Variants in CALD1 observed in about 807,000 individuals in gnomAD.
CALD1 encodes the protein caldesmon 1.
Under a neutral mutation model 99.9 loss-of-function variants are expected in CALD1, and 33 were observed. The ratio of observed to expected loss-of-function variants is 0.33; its 90% CI spans 0.25 to 0.44. CALD1 has a LOEUF of 0.44. CALD1 is among the 20% of genes least tolerant of loss of function. The probability of loss-of-function intolerance (pLI) is 1.00; values close to 1 mark genes in which losing one functional copy is unlikely to be tolerated. For missense variants in CALD1, 861 were observed against 962.1 expected (o/e 0.89, Z 1.39); for synonymous variants, 310 against 325.0 (o/e 0.95, Z 0.50).
chr7:134,891,644 T>G, intron 3 of CALD1: 1 of 1,608,570 alleles, frequency 6.2e-7, no homozygotes, highest in Non-Finnish European at 8.5e-7. Context: ...CCGGATCGCA[T>G]GGAAGACGCA....
the CALD1 span, among the ~76,000 whole-genome samples, chr7:134,722,467 C>G: frequency 6.6e-6 from 1 of 152,214 alleles, no homozygotes; most frequent in South Asian, 2.1e-4. Context: ...GTCGCCCAGG[C>G]TGGAGTGCAG....
intron 3 of CALD1, among the ~76,000 whole-genome samples, chr7:134,895,886 T>C (rs1802538512): frequency 6.6e-6 from 1 of 152,204 alleles, no homozygotes; most frequent in Non-Finnish European, 1.5e-5. Context: ...TAAACAACTT[T>C]CCCACCAGTC....
intron 3 of CALD1, among the ~76,000 whole-genome samples, chr7:134,910,357 C>T (rs1413869149): frequency 6.6e-6 from 1 of 152,182 alleles, no homozygotes; most frequent in Non-Finnish European, 1.5e-5. Flanking sequence ...GTTTTGGCTA[C>T]AGCACATGAA....
chr7:134,880,776 T>C (rs1801563706), intron 3 of CALD1, among the ~76,000 whole-genome samples: 1 of 152,240 alleles, frequency 6.6e-6, no homozygotes, highest in African/African-American at 2.4e-5. Context: ...TTCCTGCTAC[T>C]ACCTTTTAAG....
the CALD1 span, among the ~76,000 whole-genome samples, chr7:134,717,635 C>T: frequency 6.6e-6 from 1 of 152,234 alleles, no homozygotes; most frequent in East Asian, 1.9e-4. Context: ...TCCCTGTGCT[C>T]AGGCTCCGGG....
At chr7:134,714,256 T>C in the CALD1 span, among the ~76,000 whole-genome samples, 76 of 152,320 alleles carry the variant, frequency 5.0e-4, 1 homozygote, top group Non-Finnish European at 9.8e-4. Context: ...AGTGTGAGAA[T>C]GGCCTAATAC....
intron 9 of CALD1, among the ~76,000 whole-genome samples, chr7:134,951,832 A>G (rs2133166057): frequency 6.6e-6 from 1 of 152,362 alleles, no homozygotes; most frequent in South Asian, 2.1e-4. Context: ...TTGAGAATTA[A>G]CATCATTGAG....
At chr7:134,782,524 C>T (rs1797146423) in intron 1 of CALD1, among the ~76,000 whole-genome samples, 1 of 152,154 alleles carries the variant, frequency 6.6e-6, no homozygotes. Context: ...TTATGAGAAC[C>T]ACTACAACAT....
intron 8 of CALD1, among the ~76,000 whole-genome samples, chr7:134,948,976 ACT>A (rs1450048029): frequency 2.0e-5 from 3 of 151,616 alleles, no homozygotes; most frequent in African/African-American, 4.9e-5. Flanking sequence ...TTCTATCCTA[ACT>A]CTGTCACTAA....
the CALD1 span, among the ~76,000 whole-genome samples, chr7:134,721,063 C>T: frequency 6.6e-6 from 1 of 152,134 alleles, no homozygotes; most frequent in Non-Finnish European, 1.5e-5. Context: ...TTCTCCCTAC[C>T]TGTAGCCCAA....
chr7:134,826,102 A>T (rs1045618591), intron 1 of CALD1, among the ~76,000 whole-genome samples: 1 of 152,094 alleles, frequency 6.6e-6, no homozygotes, highest in Admixed American at 6.6e-5. Flanking sequence ...TACTTTAAAA[A>T]TTTTAAATTA....
intron 1 of CALD1, among the ~76,000 whole-genome samples, chr7:134,795,362 A>G (rs1184762086): frequency 6.6e-6 from 1 of 151,966 alleles, no homozygotes; most frequent in Non-Finnish European, 1.5e-5. Flanking sequence ...TCCCCTGCAC[A>G]TGTTCTCTTG....
chr7:134,846,657 C>A (rs778426804), intron 2 of CALD1, among the ~76,000 whole-genome samples: 4 of 152,178 alleles, frequency 2.6e-5, no homozygotes, highest in Non-Finnish European at 5.9e-5. Flanking sequence ...TTAGTAGAAA[C>A]CCTTGAGCTT....
At chr7:134,712,690 G>A in the CALD1 span, among the ~76,000 whole-genome samples, 5 of 152,170 alleles carry the variant, frequency 3.3e-5, no homozygotes, top group East Asian at 5.8e-4. Flanking sequence ...AGGGCTCTGC[G>A]GAGACTTTGA....
chr7:134,875,751 T>G (rs1015812159), intron 3 of CALD1, among the ~76,000 whole-genome samples: 1 of 152,260 alleles, frequency 6.6e-6, no homozygotes, highest in Non-Finnish European at 1.5e-5. Context: ...ACAAAGACTA[T>G]TGTGCCTAGT....
chr7:134,941,818 T>C (rs139235310), intron 7 of CALD1, among the ~76,000 whole-genome samples: 1 of 152,346 alleles, frequency 6.6e-6, no homozygotes, highest in East Asian at 1.9e-4. Flanking sequence ...ATGGACCTAC[T>C]GCTCTATTTT....
chr7:134,935,602 A>G (rs1805905244), intron 5 of CALD1, 86 bp from the exon 6 acceptor site: 3 of 1,516,836 alleles, frequency 2.0e-6, no homozygotes, highest in Admixed American at 2.4e-5. Flanking sequence ...CAGCACTTGC[A>G]AGGCGATCCG....
chr7:134,939,605 G>T (rs4732070), intron 6 of CALD1, among the ~76,000 whole-genome samples: 33,619 of 152,072 alleles, frequency 0.22, 4,501 homozygotes, highest in East Asian at 0.3. Flanking sequence ...AATACCCAAA[G>T]AAGACAATCA....
At chr7:134,960,481 C>T (rs1808178594) in intron 12 of CALD1, 52 bp from the exon 13 acceptor site, 2 of 1,058,722 alleles carry the variant, frequency 1.9e-6, no homozygotes, top group Non-Finnish European at 2.9e-6. Flanking sequence ...AATTCCTTCC[C>T]AGGTAAAGTT....
Sources: gnomAD v4.1 joint callset for allele counts (sites outside exome capture counted in the v4.1 genomes callset) on GRCh38, gnomAD v4.1.1 for gene constraint, MANE v1.5 for transcripts, NCBI Gene and HGNC (gene_info 2026-07-23, HGNC 2026-07-21) for gene names.